SLC35F1: variants seen among roughly 807,000 people sequenced by gnomAD.
The protein encoded by SLC35F1 is chromosome 6 open reading frame 169.
Under a neutral mutation model 48.7 loss-of-function variants are expected in SLC35F1, and 14 were observed. The ratio of observed to expected loss-of-function variants is 0.29; its 90% CI spans 0.19 to 0.45. The LOEUF (loss-of-function observed/expected upper bound fraction) is 0.45. Among genes scored for constraint, SLC35F1 ranks in the 20% least tolerant of loss-of-function variants. The pLI is 1.00. For missense variants in SLC35F1, 404 were observed against 500.0 expected, an observed-to-expected ratio of 0.81 and a Z score of 1.83; for synonymous variants, 190 against 202.2, an observed-to-expected ratio of 0.94 and a Z score of 0.51.
intron 1 of SLC35F1, among the ~76,000 whole-genome samples, chr6:117,970,795 G>A (rs1053561402): frequency 6.6e-6 from 1 of 152,122 alleles, no homozygotes; most frequent in Admixed American, 6.5e-5. Flanking sequence ...CACAAGAACA[G>A]CATGGGGAAG....
chr6:118,086,311 T>C (rs1772989167), intron 1 of SLC35F1, among the ~76,000 whole-genome samples: 1 of 152,224 alleles, frequency 6.6e-6, no homozygotes, highest in South Asian at 2.1e-4. Context: ...TCTTCTGTAT[T>C]GTCTACCTCT....
intron 2 of SLC35F1, among the ~76,000 whole-genome samples, chr6:118,189,875 G>T (rs1419414270): frequency 6.6e-6 from 1 of 152,184 alleles, no homozygotes; most frequent in Non-Finnish European, 1.5e-5. Context: ...GTTGGCATTT[G>T]CCTTATTTGA....
intron 1 of SLC35F1, among the ~76,000 whole-genome samples, chr6:118,118,117 C>A (rs1480677342): frequency 6.6e-6 from 1 of 152,098 alleles, no homozygotes; most frequent in Non-Finnish European, 1.5e-5. Context: ...ATTTGTGACT[C>A]ACTTAGGAAA....
chr6:117,956,523 A>G (rs1411177167), intron 1 of SLC35F1, among the ~76,000 whole-genome samples: 1 of 152,344 alleles, frequency 6.6e-6, no homozygotes, highest in South Asian at 2.1e-4. Context: ...ACGCGGGGAC[A>G]GTGCCTGGAA....
intron 2 of SLC35F1, among the ~76,000 whole-genome samples, chr6:118,165,639 C>G (rs890882468): frequency 6.6e-6 from 1 of 152,152 alleles, no homozygotes; most frequent in East Asian, 1.9e-4. Flanking sequence ...ATACAGAAAG[C>G]AGTGCAGCTC....
intron 2 of SLC35F1, among the ~76,000 whole-genome samples, chr6:118,177,473 A>T (rs1774507178): frequency 6.6e-6 from 1 of 152,076 alleles, no homozygotes; most frequent in Non-Finnish European, 1.5e-5. Flanking sequence ...GCTACATGGA[A>T]TAGTTGTATG....
At position 118,192,638 on chromosome 6, in the gene SLC35F1, T is replaced by A. The variant is rs1250807230; in HGVS notation, c.349+38018T>A. 4.6e-5 allele frequency among the ~76,000 whole-genome samples: 7 copies of A among 152,298 alleles called. No individual in the cohort carries two copies. The East Asian group carries it at 9.6e-4, about 21-fold the overall frequency. On this transcript the variant is annotated intron_variant, in intron 2 of 7. Coordinates refer to ENST00000360388, the MANE Select transcript of SLC35F1 (RefSeq NM_001029858.4). ...ACATAATAACCATAGTTATGATTGA[T>A]AGCATATACTCAGACATATTAGAAT...
chr6:117,911,340 T>C (rs1284267201), intron 1 of SLC35F1, among the ~76,000 whole-genome samples: 1 of 151,892 alleles, frequency 6.6e-6, no homozygotes, highest in Non-Finnish European at 1.5e-5. Flanking sequence ...AATATATTGA[T>C]TCAAACAAGG....
intron 3 of SLC35F1, among the ~76,000 whole-genome samples, chr6:118,263,156 A>T (rs1474040466): frequency 6.6e-6 from 1 of 152,170 alleles, no homozygotes; most frequent in Non-Finnish European, 1.5e-5. Flanking sequence ...TCTCAGGTTC[A>T]AGCGATTCTC....
intron 3 of SLC35F1, among the ~76,000 whole-genome samples, chr6:118,253,119 G>A (rs925332360): frequency 2.6e-5 from 4 of 152,114 alleles, no homozygotes; most frequent in South Asian, 2.1e-4. Context: ...AAGTCAGAAC[G>A]GTAGGTGAAA....
intron 1 of SLC35F1, among the ~76,000 whole-genome samples, chr6:118,009,734 A>G (rs1037586376): frequency 6.6e-6 from 1 of 152,072 alleles, no homozygotes; most frequent in African/African-American, 2.4e-5. Context: ...ACTCAGTAAA[A>G]CTGAGTGCAC....
At chr6:117,911,342 C>A (rs1775759398) in intron 1 of SLC35F1, among the ~76,000 whole-genome samples, 1 of 152,066 alleles carries the variant, frequency 6.6e-6, no homozygotes, top group South Asian at 2.1e-4. Context: ...TATATTGATT[C>A]AAACAAGGAA....
intron 1 of SLC35F1, among the ~76,000 whole-genome samples, chr6:118,129,117 G>A (rs1773672325): frequency 1.3e-5 from 2 of 152,298 alleles, no homozygotes; most frequent in South Asian, 2.1e-4. Flanking sequence ...TCCTCAAGGA[G>A]CCAAGTGTCT....
intron 1 of SLC35F1, among the ~76,000 whole-genome samples, chr6:117,920,034 G>T (rs1775876671): frequency 6.6e-6 from 1 of 152,230 alleles, no homozygotes; most frequent in Non-Finnish European, 1.5e-5. Context: ...GTGCTAATGA[G>T]GGGAAGCCCA....
chr6:117,926,649 C>A (rs113320900), intron 1 of SLC35F1, among the ~76,000 whole-genome samples: 3 of 152,058 alleles, frequency 2.0e-5, no homozygotes, highest in African/African-American at 7.2e-5. Context: ...GGAAATGAAA[C>A]AGGTTCAGAT....
chr6:117,967,510 T>G (rs900259534), intron 1 of SLC35F1, among the ~76,000 whole-genome samples: 1 of 152,160 alleles, frequency 6.6e-6, no homozygotes, highest in African/African-American at 2.4e-5. Context: ...GCCTTGGTCT[T>G]TATGGGGGTT....
chr6:118,260,387 T>G (rs556937803), intron 3 of SLC35F1, among the ~76,000 whole-genome samples: 91 of 152,302 alleles, frequency 6.0e-4, no homozygotes, highest in African/African-American at 2.2e-3. Flanking sequence ...TTATTATATC[T>G]CAACAATGTT....
chr6:118,224,649 T>C (rs1389291047), intron 2 of SLC35F1, among the ~76,000 whole-genome samples: 2 of 152,224 alleles, frequency 1.3e-5, no homozygotes, highest in Non-Finnish European at 2.9e-5. Flanking sequence ...TTCTAGGTAT[T>C]ATTTTGTATT....
intron 1 of SLC35F1, among the ~76,000 whole-genome samples, chr6:117,986,119 C>T (rs1184544479): frequency 1.3e-5 from 2 of 152,186 alleles, no homozygotes; most frequent in South Asian, 4.1e-4. Flanking sequence ...TCTCCATTTA[C>T]ATATTGGAAT....
Sources: gnomAD v4.1 joint callset for allele counts (sites outside exome capture counted in the v4.1 genomes callset) on GRCh38, gnomAD v4.1.1 for gene constraint, MANE v1.5 for transcripts, NCBI Gene and HGNC (gene_info 2026-07-23, HGNC 2026-07-21) for gene names.